The following THSD7B variants were observed in gnomAD, a reference collection of about 807,000 sequenced individuals.
THSD7B encodes thrombospondin type 1 domain containing 7B.
Under a neutral mutation model 213.6 loss-of-function variants are expected in THSD7B, and 138 were observed. That is an observed-to-expected ratio of 0.65 (90% confidence interval 0.56 to 0.74). The LOEUF is 0.74. Ranked by LOEUF, THSD7B falls within the 30% of genes least tolerant of loss-of-function variation. THSD7B has a pLI of 0.00. For synonymous variants in THSD7B, 742 were observed against 687.0 expected (o/e 1.08, Z -1.25); for missense variants, 1,931 against 1,991.5 (o/e 0.97, Z 0.58).
At chr2:137,474,482 G>A (rs920680387) in intron 15 of THSD7B, among the ~76,000 whole-genome samples, 2 of 152,146 alleles carry the variant, frequency 1.3e-5, no homozygotes, top group Non-Finnish European at 1.5e-5. Context: ...TGACTAAGAA[G>A]TATGGGAATG....
intron 12 of THSD7B, among the ~76,000 whole-genome samples, chr2:137,314,183 T>A (rs1302042785): frequency 6.6e-6 from 1 of 152,204 alleles, no homozygotes; most frequent in African/African-American, 2.4e-5. Context: ...TAGTCCCATA[T>A]TTCTTGGAGG....
chr2:136,954,937 T>C (rs1685101203), intron 2 of THSD7B, among the ~76,000 whole-genome samples: 1 of 152,150 alleles, frequency 6.6e-6, no homozygotes, highest in South Asian at 2.1e-4. Context: ...TTGCATGTAG[T>C]AATTCTTTGT....
chr2:136,969,386 T>C (rs1399211743), intron 2 of THSD7B, among the ~76,000 whole-genome samples: 1 of 152,220 alleles, frequency 6.6e-6, no homozygotes, highest in African/African-American at 2.4e-5. Flanking sequence ...TATTTTACAT[T>C]AAAGTTAGTT....
At chr2:137,005,740 G>A (rs1686093139) in intron 2 of THSD7B, among the ~76,000 whole-genome samples, 1 of 152,118 alleles carries the variant, frequency 6.6e-6, no homozygotes, top group Non-Finnish European at 1.5e-5. Flanking sequence ...ATTACAAATA[G>A]CAGAATCGTG....
intron 7 of THSD7B, among the ~76,000 whole-genome samples, chr2:137,223,294 G>A (rs1483729233): frequency 6.6e-6 from 1 of 152,138 alleles, no homozygotes. Context: ...TCAAGACTAG[G>A]TAATAATACA....
At chr2:137,384,534 A>T (rs1392750306) in intron 12 of THSD7B, among the ~76,000 whole-genome samples, 1 of 152,030 alleles carries the variant, frequency 6.6e-6, no homozygotes, top group Non-Finnish European at 1.5e-5. Flanking sequence ...GAAGTAGCAC[A>T]GAAGGAACAT....
intron 1 of THSD7B, among the ~76,000 whole-genome samples, chr2:136,791,551 C>A (rs796484246): frequency 7.9e-5 from 12 of 151,690 alleles, no homozygotes; most frequent in African/African-American, 2.9e-4. Context: ...CTCCCTCCCC[C>A]GCCCCCCATC....
At chr2:137,181,033 C>T (rs915913590) in intron 7 of THSD7B, among the ~76,000 whole-genome samples, 5 of 152,180 alleles carry the variant, frequency 3.3e-5, no homozygotes, top group African/African-American at 1.2e-4. Flanking sequence ...AAAGCCCACA[C>T]ACATTTCCCT....
intron 5 of THSD7B, among the ~76,000 whole-genome samples, chr2:137,132,804 T>A (rs1007698773): frequency 6.6e-6 from 1 of 152,218 alleles, no homozygotes; most frequent in Non-Finnish European, 1.5e-5. Flanking sequence ...GCAATTATTA[T>A]ATAGACTTTT....
At chr2:137,162,681 T>G (rs1680041729) in intron 6 of THSD7B, among the ~76,000 whole-genome samples, 1 of 152,144 alleles carries the variant, frequency 6.6e-6, no homozygotes, top group African/African-American at 2.4e-5. Context: ...CTGCTTTCTT[T>G]CTTTTTCTTT....
At chr2:136,863,180 AATC>A (rs1355557879) in intron 1 of THSD7B, among the ~76,000 whole-genome samples, 1 of 152,200 alleles carries the variant, frequency 6.6e-6, no homozygotes, top group Non-Finnish European at 1.5e-5. Context: ...TTGTTAATTA[AATC>A]TTTACTCATT....
chr2:137,134,801 T>A (rs1306840157), intron 5 of THSD7B, among the ~76,000 whole-genome samples: 1 of 152,184 alleles, frequency 6.6e-6, no homozygotes, highest in Non-Finnish European at 1.5e-5. Context: ...TTTGATTCCC[T>A]CTTAACCAAG....
intron 1 of THSD7B, among the ~76,000 whole-genome samples, chr2:136,880,058 G>A (rs1156584827): frequency 6.6e-6 from 1 of 152,070 alleles, no homozygotes; most frequent in African/African-American, 2.4e-5. Flanking sequence ...ACAGATCAAC[G>A]AGACAGAAAG....
intron 27 of THSD7B, among the ~76,000 whole-genome samples, chr2:137,674,186 T>C (rs1053372033): frequency 6.6e-6 from 1 of 152,188 alleles, no homozygotes; most frequent in East Asian, 1.9e-4. Context: ...ATGCTTAGGA[T>C]TGTCTAATTT....
At chr2:137,289,178 AAAGT>A (rs1410739093) in intron 12 of THSD7B, among the ~76,000 whole-genome samples, 1 of 151,870 alleles carries the variant, frequency 6.6e-6, no homozygotes, top group Non-Finnish European at 1.5e-5. Context: ...TGTTTTTTTT[AAAGT>A]AAGTGAGTGG....
At chr2:137,166,603 T>C (rs1241537713) in intron 6 of THSD7B, among the ~76,000 whole-genome samples, 2 of 152,172 alleles carry the variant, frequency 1.3e-5, no homozygotes, top group Non-Finnish European at 2.9e-5. Context: ...AAGGACAAGA[T>C]ACTTTGAAAC....
intron 15 of THSD7B, among the ~76,000 whole-genome samples, chr2:137,551,166 G>T (rs926921654): frequency 5.9e-5 from 9 of 152,024 alleles, no homozygotes; most frequent in Non-Finnish European, 1.2e-4. Context: ...ATCTCTGAAG[G>T]TCTGTTATAT....
intron 13 of THSD7B, among the ~76,000 whole-genome samples, chr2:137,410,378 C>T (rs1686625936): frequency 6.6e-6 from 1 of 152,032 alleles, no homozygotes; most frequent in African/African-American, 2.4e-5. Context: ...AAGTGATTCT[C>T]CTACCTCTGC....
intron 2 of THSD7B, among the ~76,000 whole-genome samples, chr2:137,018,115 C>T (rs547411864): frequency 6.1e-4 from 92 of 151,788 alleles, no homozygotes; most frequent in Non-Finnish European, 1.0e-3. Context: ...CTTCAATGCT[C>T]TCTTTTTAAA....
Sources: allele counts gnomAD v4.1 joint callset (sites outside exome capture counted in the v4.1 genomes callset), GRCh38; gene constraint gnomAD v4.1.1; transcripts MANE v1.5; gene names NCBI Gene and HGNC (gene_info 2026-07-23, HGNC 2026-07-21).